The following UGT2A1 variants were observed in gnomAD, a reference collection of about 807,000 sequenced individuals.
UGT2A1 encodes UDP glucuronosyltransferase family 2 member A1 complex locus, also known as UDP-glucuronosyltransferase 2A1.
In UGT2A1, 61 loss-of-function variants were observed where a neutral mutation model predicts 45.4. That is an observed-to-expected ratio of 1.34 (90% CI 1.09 to 1.66). UGT2A1 has a LOEUF of 1.66. UGT2A1 is among the 40% of genes most tolerant of loss of function. The pLI is 0.00. For synonymous variants in UGT2A1, 229 were observed against 196.2 expected, an observed-to-expected ratio of 1.17 and a Z score of -1.40; for missense variants, 649 against 574.3, an observed-to-expected ratio of 1.13 and a Z score of -1.33.
intron 3 of UGT2A1, among the ~76,000 whole-genome samples, chr4:69,625,429 G>A (rs1291744970): frequency 6.6e-6 from 1 of 150,748 alleles, no homozygotes; most frequent in African/African-American, 2.4e-5. Flanking sequence ...AGGATGTTTT[G>A]TTTATTTTGT....
chr4:69,632,267 T>C (rs1365501959), intron 3 of UGT2A1, among the ~76,000 whole-genome samples: 1 of 152,174 alleles, frequency 6.6e-6, no homozygotes, highest in Non-Finnish European at 1.5e-5. Flanking sequence ...GCATAACATG[T>C]AATGTTACAA....
chr4:69,596,337 CACA>C (rs750152708), intron 4 of UGT2A1: 4 of 1,605,132 alleles, frequency 2.5e-6, no homozygotes, highest in Non-Finnish European at 3.4e-6. Context: ...GAGAAAACAC[CACA>C]ACACCATTTT....
At chr4:69,635,498 T>C (rs2109962447) in intron 3 of UGT2A1, among the ~76,000 whole-genome samples, 193 bp downstream of exon 3, 1 of 152,252 alleles carries the variant, frequency 6.6e-6, no homozygotes, top group East Asian at 1.9e-4. Flanking sequence ...GAACTATCTA[T>C]TTGCTGTACA....
intron 6 of UGT2A1, among the ~76,000 whole-genome samples, chr4:69,593,211 T>C: frequency 6.6e-6 from 1 of 152,060 alleles, no homozygotes; most frequent in Non-Finnish European, 1.5e-5. Flanking sequence ...CCATGTGAGA[T>C]AATCAGTCAA....
rs566080525 is a variant in UGT2A1 at position 69,610,998 on chromosome 4, C to T, written c.848-11604G>A. Among the ~76,000 whole-genome samples the T allele has an allele frequency of 6.6e-5, 10 of 152,108 alleles. No individual in the cohort carries two copies. The South Asian group carries it at 2.1e-3, about 32-fold the overall frequency. On this transcript the variant is annotated intron_variant, in intron 3 of 6. Transcript: ENST00000286604. ...GATAATAGTTGGAGTGGAAGTCTAC[C>T]TCAGTTCATGGATTTAGATGAAAGC... is the stretch of plus-strand genomic sequence containing the variant.
intron 2 of UGT2A1, among the ~76,000 whole-genome samples, chr4:69,646,506 A>G (rs2109978521): frequency 6.6e-6 from 1 of 151,962 alleles, no homozygotes; most frequent in South Asian, 2.1e-4. Context: ...TGATGATCAG[A>G]GATTATCCAC....
chr4:69,625,581 T>C (rs1008849731), intron 3 of UGT2A1, among the ~76,000 whole-genome samples: 1 of 151,434 alleles, frequency 6.6e-6, no homozygotes, highest in Non-Finnish European at 1.5e-5. Flanking sequence ...ATTGTGTGTT[T>C]CATCTCTGGT....
intron 4 of UGT2A1, chr4:69,596,432 A>G (rs747685853): frequency 7.0e-7 from 1 of 1,427,238 alleles, no homozygotes; most frequent in Non-Finnish European, 9.3e-7. Flanking sequence ...CATAAGAAAA[A>G]ATAAGTTTAC....
chr4:69,609,496 G>C (rs1354994551), intron 3 of UGT2A1, among the ~76,000 whole-genome samples: 1 of 151,940 alleles, frequency 6.6e-6, no homozygotes, highest in Non-Finnish European at 1.5e-5. Flanking sequence ...TTGAGTTGTA[G>C]ACTGAAACTG....
At chr4:69,623,557 A>G (rs930321883) in intron 3 of UGT2A1, among the ~76,000 whole-genome samples, 1 of 151,260 alleles carries the variant, frequency 6.6e-6, no homozygotes, top group African/African-American at 2.4e-5. Flanking sequence ...ATAAAATAAT[A>G]TTTTACATTA....
chr4:69,598,971 G>C (rs1719093641), intron 4 of UGT2A1, among the ~76,000 whole-genome samples: 1 of 152,020 alleles, frequency 6.6e-6, no homozygotes, highest in Admixed American at 6.6e-5. Flanking sequence ...CTATGATCTG[G>C]TTTTCTGTCC....
At chr4:69,595,673 AT>A (rs959054932) in intron 4 of UGT2A1, among the ~76,000 whole-genome samples, 1 of 152,196 alleles carries the variant, frequency 6.6e-6, no homozygotes, top group African/African-American at 2.4e-5. Context: ...AGAGATAAAA[AT>A]TAAGGTTAAT....
intron 3 of UGT2A1, among the ~76,000 whole-genome samples, chr4:69,605,743 C>T (rs1461053388): frequency 7.3e-6 from 1 of 136,458 alleles, no homozygotes; most frequent in Non-Finnish European, 1.6e-5. Flanking sequence ...AAGGGGATAT[C>T]ACCACCGATC....
At chr4:69,623,682 A>C (rs1316664506) in intron 3 of UGT2A1, among the ~76,000 whole-genome samples, 1 of 151,398 alleles carries the variant, frequency 6.6e-6, no homozygotes, top group Non-Finnish European at 1.5e-5. Context: ...GTAATATTTA[A>C]TTTCTTCAGA....
At chr4:69,638,840 T>A (rs1475737958) in intron 2 of UGT2A1, 2 of 1,463,352 alleles carry the variant, frequency 1.4e-6, no homozygotes, top group East Asian at 4.9e-5. Context: ...GTTTGCCATA[T>A]GACAATAAGA....
rs1718426220 is a variant in UGT2A1 at position 69,589,073 on chromosome 4, T to C, written c.*299A>G. The C allele has an allele frequency of 4.6e-6, 1 of 217,084 alleles. No homozygotes were observed. Among genetic ancestry groups the C allele is most frequent in the South Asian group, 9.8e-5 (1 of 10,168 alleles). 13.4% of individuals were successfully genotyped at this position (217,084 alleles called of 1,614,324 possible). On this transcript the variant is annotated 3_prime_UTR_variant, in exon 7 of 7. Coordinates refer to ENST00000286604, the MANE Select transcript of UGT2A1 (RefSeq NM_001252275.3). Reference sequence around the variant, plus strand: ...GGTTAACGATAAAATAATTTGATACTATGAATAGAACATATTTAAAATTAG... The same window carrying C: ...GGTTAACGATAAAATAATTTGATACCATGAATAGAACATATTTAAAATTAG...
At chr4:69,638,848 A>G in intron 2 of UGT2A1, 1 of 1,469,980 alleles carries the variant, frequency 6.8e-7, no homozygotes, top group South Asian at 1.5e-5. Flanking sequence ...TATGACAATA[A>G]GAATAAATAA....
chr4:69,651,505 T>A (rs1350805775), intron 1 of UGT2A1, among the ~76,000 whole-genome samples: 1 of 152,212 alleles, frequency 6.6e-6, no homozygotes, highest in Non-Finnish European at 1.5e-5. Context: ...GCTAGCATAC[T>A]CAAATATTTT....
chr4:69,642,810 C>CA (rs1006767531), intron 2 of UGT2A1, among the ~76,000 whole-genome samples: 175 of 151,284 alleles, frequency 1.2e-3, no homozygotes, highest in African/African-American at 4.0e-3. Flanking sequence ...AGATTATTCA[C>CA]AAAAAAACCT....
Sources: allele counts gnomAD v4.1 joint callset (sites outside exome capture counted in the v4.1 genomes callset), GRCh38; gene constraint gnomAD v4.1.1; transcripts MANE v1.5; gene names NCBI Gene and HGNC (gene_info 2026-07-23, HGNC 2026-07-21).